The following COMMD6 variants were observed in gnomAD, a reference collection of about 807,000 sequenced individuals.
COMMD6 encodes the protein COMM domain-containing protein 6.
A neutral mutation model predicts 13.4 loss-of-function variants in COMMD6; 11 were observed. That is an observed-to-expected ratio of 0.82 (90% CI 0.52 to 1.36). The LOEUF (loss-of-function observed/expected upper bound fraction) is 1.36. COMMD6 is among the 40% of genes most tolerant of loss of function. COMMD6 has a pLI of 0.00. For missense variants in COMMD6, 124 were observed against 102.4 expected, an observed-to-expected ratio of 1.21 and a Z score of -0.91; for synonymous variants, 43 against 36.5, an observed-to-expected ratio of 1.18 and a Z score of -0.64.
chr13:75,544,664 G>A (rs2030875659), intron 1 of COMMD6, among the ~76,000 whole-genome samples: 1 of 152,148 alleles, frequency 6.6e-6, no homozygotes, highest in Non-Finnish European at 1.5e-5. Flanking sequence ...TCTGGAGGCT[G>A]AGACAGGAGA....
chr13:75,532,558 G>A (rs1443928896), intron 2 of COMMD6, among the ~76,000 whole-genome samples: 1 of 152,198 alleles, frequency 6.6e-6, no homozygotes, highest in African/African-American at 2.4e-5. Context: ...CTTGCTGGGT[G>A]CGGTGGCTCA....
At chr13:75,540,338 A>ACC (rs1555271313), upstream of COMMD6, among the ~76,000 whole-genome samples, 12 of 81,632 alleles carry the variant, frequency 1.5e-4, no homozygotes, top group South Asian at 6.0e-4. Context: ...ACACACACAC[A>ACC]CACACCCACA....
At chr13:75,532,306 A>C (rs1566197793) in intron 2 of COMMD6, among the ~76,000 whole-genome samples, 1 of 152,242 alleles carries the variant, frequency 6.6e-6, no homozygotes, top group Non-Finnish European at 1.5e-5. Context: ...TAAGTCAGTG[A>C]CTACATTTCT....
upstream of COMMD6, among the ~76,000 whole-genome samples, chr13:75,540,340 A>ACC (rs66889294): frequency 1.5e-3 from 161 of 105,160 alleles, no homozygotes; most frequent in Middle Eastern, 4.3e-3. Flanking sequence ...ACACACACAC[A>ACC]CACCCACACA....
At chr13:75,530,052 C>T (rs1000249633) in intron 3 of COMMD6, 62 bp downstream of exon 3, 4 of 1,316,816 alleles carry the variant, frequency 3.0e-6, no homozygotes, top group Non-Finnish European at 1.1e-6. Context: ...AGATTTTATA[C>T]ATCTTTTTAT....
upstream of COMMD6, among the ~76,000 whole-genome samples, chr13:75,542,243 A>G (rs1253064367): frequency 6.7e-6 from 1 of 149,972 alleles, no homozygotes; most frequent in Non-Finnish European, 1.5e-5. Context: ...AAGCTGTCTC[A>G]TGGCCTTCCC....
intron 2 of COMMD6, among the ~76,000 whole-genome samples, chr13:75,533,166 C>T (rs1415280655): frequency 1.1e-4 from 17 of 152,096 alleles, no homozygotes; most frequent in Middle Eastern, 3.4e-3. Context: ...CTCCTGACCT[C>T]GTGATCCGCC....
chr13:75,540,134 C>T (rs2030801462), upstream of COMMD6, among the ~76,000 whole-genome samples: 1 of 151,970 alleles, frequency 6.6e-6, no homozygotes, highest in Admixed American at 6.6e-5. Flanking sequence ...CCATGCCCAG[C>T]TATTTTTTTG....
At position 75,537,364 on chromosome 13, in the gene COMMD6, T is replaced by C. The variant is rs781082271; in HGVS notation, c.54+300A>G. On this transcript the variant is annotated intron_variant, in intron 2 of 3. Coordinates refer to ENST00000682242, the MANE Select transcript of COMMD6 (RefSeq NM_203495.4). ...TCTGCAAATTTTCCTAACTTCTTTATCCAACACTTTAAAATACCGTGTTCC... is the reference window on the plus strand; with the variant it reads ...TCTGCAAATTTTCCTAACTTCTTTACCCAACACTTTAAAATACCGTGTTCC... 10 of 1,550,864 alleles carry C rather than the reference T, an allele frequency of 6.4e-6. No individual in the cohort carries two copies. The South Asian group carries it at 9.5e-5, about 15-fold the overall frequency.
upstream of COMMD6, chr13:75,537,851 A>G: frequency 6.5e-7 from 1 of 1,542,846 alleles, no homozygotes; most frequent in South Asian, 1.2e-5. Flanking sequence ...GAACGCCCCC[A>G]GACCAGCGCT....
At position 75,526,587 on chromosome 13, in the gene COMMD6, C is replaced by T; in HGVS notation, c.*2G>A. On this transcript the variant is annotated 3_prime_UTR_variant, in exon 4 of 4. Transcript: ENST00000682242. ...GCAATTTATCAACCAAAGAATCCGTCTTCACACCGTTTCAATAACTGCAGC... is the reference window on the plus strand; with the variant it reads ...GCAATTTATCAACCAAAGAATCCGTTTTCACACCGTTTCAATAACTGCAGC... 6.2e-7 allele frequency: 1 copy of T among 1,601,078 alleles called. No homozygotes were observed. The highest frequency in any genetic ancestry group is 8.5e-7 in the Non-Finnish European group (1 of 1,171,366).
chr13:75,540,325 TACACACACACACACACACCCACACACAC>T (rs1319680336), upstream of COMMD6, among the ~76,000 whole-genome samples: 4 of 101,930 alleles, frequency 3.9e-5, no homozygotes, highest in Non-Finnish European at 8.0e-5. Flanking sequence ...GGGTGGTAAA[TACACACACACACACACACCCACACACAC>T]ACACACACAC....
At chr13:75,543,639 T>C (rs990659087), upstream of COMMD6, among the ~76,000 whole-genome samples, 1 of 152,222 alleles carries the variant, frequency 6.6e-6, no homozygotes, top group Non-Finnish European at 1.5e-5. Flanking sequence ...CTGTGTGATA[T>C]CATTCAAGTT....
intron 2 of COMMD6, among the ~76,000 whole-genome samples, chr13:75,537,201 A>G (rs922052145): frequency 6.6e-6 from 1 of 152,248 alleles, no homozygotes; most frequent in Non-Finnish European, 1.5e-5. Context: ...AGCACTTGAA[A>G]CAGAAATGGG....
chr13:75,537,712 C>G (rs747718400), intron 1 of COMMD6, 37 bp from the exon 2 acceptor site: 2 of 1,614,074 alleles, frequency 1.2e-6, no homozygotes, highest in East Asian at 4.5e-5. Flanking sequence ...AGAGAAACAT[C>G]TTTCTTGCTC....
At chr13:75,530,604 C>G (rs1412522319) in intron 2 of COMMD6, 8 of 178,288 alleles carry the variant, frequency 4.5e-5, no homozygotes, top group Admixed American at 1.8e-4. Context: ...TTTTAGTTCA[C>G]TTTGCTGTTC....
Position 75,533,309 on chromosome 13 carries a change from G to A in COMMD6, c.55-3043C>T, listed in dbSNP as rs538964585. On this transcript the variant is annotated intron_variant, in intron 2 of 3. Coordinates refer to ENST00000682242, the MANE Select transcript of COMMD6 (RefSeq NM_203495.4). ...AGGCTGGGCACGGTGGCTCACACCT[G>A]TAATCCCAGCACTTTGGGAGGCCAA... Among the ~76,000 whole-genome samples the A allele has an allele frequency of 2.6e-5, 4 of 152,100 alleles. No homozygotes were observed. The South Asian group carries it at 8.3e-4, about 32-fold the overall frequency.
chr13:75,527,650 C>T (rs566873952), intron 3 of COMMD6, among the ~76,000 whole-genome samples: 1 of 151,976 alleles, frequency 6.6e-6, no homozygotes, highest in African/African-American at 2.4e-5. Flanking sequence ...TACATACACA[C>T]ACAATGGAAT....
At chr13:75,527,199 T>C (rs1322879896) in intron 3 of COMMD6, among the ~76,000 whole-genome samples, 1 of 152,232 alleles carries the variant, frequency 6.6e-6, no homozygotes, top group Non-Finnish European at 1.5e-5. Flanking sequence ...ATTGTTCTTC[T>C]GTCTTCTCCT....
Sources: gnomAD v4.1 joint callset for allele counts (sites outside exome capture counted in the v4.1 genomes callset) on GRCh38, gnomAD v4.1.1 for gene constraint, MANE v1.5 for transcripts, NCBI Gene and HGNC (gene_info 2026-07-23, HGNC 2026-07-21) for gene names.